SDHAF3: variants seen among roughly 807,000 people sequenced by gnomAD.
The protein encoded by SDHAF3 is succinate dehydrogenase complex assembly factor 3.
Under a neutral mutation model 11.5 loss-of-function variants are expected in SDHAF3, and 18 were observed. The observed-to-expected ratio is 1.56, with a 90% CI of 1.08 to 2.32. The LOEUF (loss-of-function observed/expected upper bound fraction) is 2.32. Ranked by LOEUF, SDHAF3 falls within the 30% of genes most tolerant of loss-of-function variation. SDHAF3 has a pLI of 0.00. For synonymous variants in SDHAF3, 72 were observed against 59.3 expected, an observed-to-expected ratio of 1.21 and a Z score of -0.99; for missense variants, 200 against 154.4, an observed-to-expected ratio of 1.30 and a Z score of -1.57.
intron 1 of SDHAF3, among the ~76,000 whole-genome samples, chr7:97,133,395 G>A (rs995357475): frequency 1.3e-5 from 2 of 152,132 alleles, no homozygotes; most frequent in Non-Finnish European, 2.9e-5. Context: ...GGTAAACATG[G>A]AATTAAAATG....
chr7:97,156,684 C>T (rs1363134714), intron 1 of SDHAF3, among the ~76,000 whole-genome samples: 1 of 152,010 alleles, frequency 6.6e-6, no homozygotes, highest in African/African-American at 2.4e-5. Flanking sequence ...CTGTTCTTCC[C>T]TCATATTATT....
At chr7:97,153,844 G>A (rs1369337297) in intron 1 of SDHAF3, among the ~76,000 whole-genome samples, 2 of 152,108 alleles carry the variant, frequency 1.3e-5, no homozygotes, top group African/African-American at 2.4e-5. Flanking sequence ...CAGCATTTTG[G>A]TGGTCTCAGT....
chr7:97,180,594 T>C (rs1013571792), intron 1 of SDHAF3, among the ~76,000 whole-genome samples: 3 of 152,172 alleles, frequency 2.0e-5, no homozygotes, highest in African/African-American at 7.2e-5. Flanking sequence ...CTAGGGGATA[T>C]ATGTGCAGGT....
chr7:97,180,237 CAT>C (rs1446136403), intron 1 of SDHAF3, among the ~76,000 whole-genome samples: 1 of 152,116 alleles, frequency 6.6e-6, no homozygotes, highest in Non-Finnish European at 1.5e-5. Context: ...TAATTGAAGA[CAT>C]AGGAATGAAT....
At chr7:97,161,208 A>G (rs1183523234) in intron 1 of SDHAF3, among the ~76,000 whole-genome samples, 1 of 152,158 alleles carries the variant, frequency 6.6e-6, no homozygotes, top group Non-Finnish European at 1.5e-5. Flanking sequence ...TGTTCTGAGC[A>G]TGTTTAAGGT....
intron 1 of SDHAF3, among the ~76,000 whole-genome samples, chr7:97,172,969 A>T (rs1402151046): frequency 2.0e-5 from 3 of 152,148 alleles, no homozygotes. Context: ...TGGTTTTGGG[A>T]TGAAATGGCT....
At position 97,125,501 on chromosome 7, in the gene SDHAF3, T is replaced by A. The variant is rs141871270; in HGVS notation, c.174+7604T>A. ...TCGTAGGCTTGGTCTTTTCACATAG[T>A]CCCATATTTCTTGGAGTCTTTGTTC... On this transcript the variant is annotated intron_variant, in intron 1 of 1. Coordinates refer to ENST00000432641, the MANE Select transcript of SDHAF3 (RefSeq NM_020186.3). Among the ~76,000 whole-genome samples the A allele has an allele frequency of 2.2e-4, 34 of 152,300 alleles. No homozygotes were observed. In the East Asian group the frequency reaches 5.6e-3, roughly 25 times the overall value.
At chr7:97,176,077 C>T (rs1237490179) in intron 1 of SDHAF3, among the ~76,000 whole-genome samples, 1 of 152,064 alleles carries the variant, frequency 6.6e-6, no homozygotes, top group Non-Finnish European at 1.5e-5. Flanking sequence ...TACTTGTGAC[C>T]GTATTTTCAG....
rs750385105 is a variant in SDHAF3 at position 97,181,144 on chromosome 7, G to C, written c.307G>C (p.Glu103Gln). Residue 103 changes from glutamate to glutamine, a missense_variant, in exon 2 of 2, where the codon GAG becomes CAG. Coordinates refer to ENST00000432641, the MANE Select transcript of SDHAF3 (RefSeq NM_020186.3). ...FRDEQIGQLQ[E>Q]LMQEATKPNR... is the part of the protein sequence containing the mutation. ...TGATGAACAAATTGGACAGTTGCAG[G>C]AGCTGATGCAAGAAGCCACAAAACC... 1.5e-5 allele frequency: 24 copies of C among 1,613,930 alleles called. No homozygotes were observed. Among genetic ancestry groups the C allele is most frequent in the Non-Finnish European group, 2.0e-5 (24 of 1,179,932 alleles).
At chr7:97,118,549 CT>C (rs34297923) in intron 1 of SDHAF3, among the ~76,000 whole-genome samples, 108,351 of 141,496 alleles carry the variant, frequency 0.77, 42,121 homozygotes, top group Non-Finnish European at 0.86. Context: ...AGTCGTTTGA[CT>C]TTTTTTTTTT....
chr7:97,141,574 G>A (rs893115947), intron 1 of SDHAF3, among the ~76,000 whole-genome samples: 2 of 152,092 alleles, frequency 1.3e-5, no homozygotes, highest in African/African-American at 4.8e-5. Context: ...CCCGATATCT[G>A]GCGCCCGATG....
chr7:97,135,877 C>T (rs1253095370), intron 1 of SDHAF3, among the ~76,000 whole-genome samples: 8 of 150,824 alleles, frequency 5.3e-5, no homozygotes, highest in African/African-American at 9.7e-5. Context: ...TTAGTAGAGA[C>T]GGGGTTTCAC....
chr7:97,140,566 T>C (rs1006622534), intron 1 of SDHAF3, among the ~76,000 whole-genome samples: 14 of 152,138 alleles, frequency 9.2e-5, no homozygotes, highest in Non-Finnish European at 1.8e-4. Flanking sequence ...GAAGATTTCA[T>C]GGACACTTAT....
At chr7:97,122,221 G>C (rs1310493498) in intron 1 of SDHAF3, among the ~76,000 whole-genome samples, 1 of 152,210 alleles carries the variant, frequency 6.6e-6, no homozygotes, top group Non-Finnish European at 1.5e-5. Context: ...TTACGCAGAA[G>C]ATGAGGAAGA....
intron 1 of SDHAF3, among the ~76,000 whole-genome samples, chr7:97,138,066 C>T (rs1788958854): frequency 6.6e-6 from 1 of 151,452 alleles, no homozygotes; most frequent in Admixed American, 6.6e-5. Context: ...GGTTTCACCG[C>T]GTTGGCTAGT....
intron 1 of SDHAF3, among the ~76,000 whole-genome samples, chr7:97,125,882 A>T (rs1791565804): frequency 6.6e-6 from 1 of 152,150 alleles, no homozygotes; most frequent in African/African-American, 2.4e-5. Flanking sequence ...CTTGCTGGAG[A>T]GGAGTTGCAA....
intron 1 of SDHAF3, among the ~76,000 whole-genome samples, chr7:97,155,318 G>T (rs1272709968): frequency 5.9e-5 from 9 of 152,164 alleles, no homozygotes; most frequent in Non-Finnish European, 7.3e-5. Flanking sequence ...TGTTTCAAGT[G>T]CTCAGTAGTC....
chr7:97,134,483 G>C (rs905945901), intron 1 of SDHAF3, among the ~76,000 whole-genome samples: 8 of 152,192 alleles, frequency 5.3e-5, no homozygotes, highest in African/African-American at 9.7e-5. Context: ...GTCTTGCTGT[G>C]TCTCCCAGGC....
chr7:97,120,915 G>A (rs532677205), intron 1 of SDHAF3, among the ~76,000 whole-genome samples: 1 of 152,164 alleles, frequency 6.6e-6, no homozygotes, highest in Admixed American at 6.5e-5. Flanking sequence ...AGAGAATTCA[G>A]CTGGGGGAAG....
Sources: gnomAD v4.1 joint callset for allele counts (sites outside exome capture counted in the v4.1 genomes callset) on GRCh38, gnomAD v4.1.1 for gene constraint, MANE v1.5 for transcripts, NCBI Gene and HGNC (gene_info 2026-07-23, HGNC 2026-07-21) for gene names.